The following CDC42SE2 variants were observed in gnomAD, a reference collection of about 807,000 sequenced individuals.
CDC42SE2 encodes CDC42 small effector 2.
In CDC42SE2, 3 loss-of-function variants were observed where a neutral mutation model predicts 11.5. The observed-to-expected ratio is 0.26, with a 90% CI of 0.12 to 0.67. The LOEUF (loss-of-function observed/expected upper bound fraction) is 0.67, where lower values mean the gene tolerates loss of function less well. Among genes scored for constraint, CDC42SE2 ranks in the 30% least tolerant of loss-of-function variants. CDC42SE2 has a pLI of 0.80. For synonymous variants in CDC42SE2, 33 were observed against 34.8 expected (o/e 0.95, Z 0.18); for missense variants, 82 against 106.8 (o/e 0.77, Z 1.02).
At chr5:131,278,824 G>A (rs561244755) in intron 1 of CDC42SE2, among the ~76,000 whole-genome samples, 59 of 102,458 alleles carry the variant, frequency 5.8e-4, no homozygotes, top group African/African-American at 2.3e-3. Flanking sequence ...TCTGTTTGTT[G>A]CCCAGGCTAG....
intron 2 of CDC42SE2, among the ~76,000 whole-genome samples, chr5:131,330,381 G>C (rs1004562617): frequency 6.6e-6 from 1 of 152,156 alleles, no homozygotes. Context: ...AAGGTTATTA[G>C]AGTTTTTTTT....
At chr5:131,218,672 G>A in the CDC42SE2 span, among the ~76,000 whole-genome samples, 1 of 152,158 alleles carries the variant, frequency 6.6e-6, no homozygotes, top group Non-Finnish European at 1.5e-5. Flanking sequence ...ATACTATACA[G>A]CAATGAGAAT....
At position 131,273,730 on chromosome 5, in the gene CDC42SE2, A is replaced by G. The variant is rs13357359; in HGVS notation, c.-455+9564A>G. ...GGAGCTTGCAGTGAGCCAAGATCGC[A>G]CCACTGCACTCCAGCCTGGCGACAG... On this transcript the variant is annotated intron_variant, in intron 1 of 4. Coordinates refer to ENST00000505065, the MANE Select transcript of CDC42SE2 (RefSeq NM_001375635.1). Among the ~76,000 whole-genome samples the G allele has an allele frequency of 1.3e-4, 19 of 150,180 alleles. No homozygotes were observed. In the East Asian group the frequency reaches 3.6e-3, roughly 28 times the overall value.
intron 2 of CDC42SE2, among the ~76,000 whole-genome samples, chr5:131,330,873 T>G (rs888046377): frequency 6.7e-6 from 1 of 149,494 alleles, no homozygotes; most frequent in Non-Finnish European, 1.5e-5. Context: ...AAAAAAAAAT[T>G]TAAGTAGCTT....
intron 1 of CDC42SE2, among the ~76,000 whole-genome samples, chr5:131,291,826 A>C (rs1372362161): frequency 6.6e-6 from 1 of 152,202 alleles, no homozygotes; most frequent in East Asian, 1.9e-4. Flanking sequence ...TGGTAAGTTA[A>C]GGGTTTATTT....
chr5:131,345,810 A>T (rs1758827861), intron 2 of CDC42SE2, among the ~76,000 whole-genome samples: 1 of 152,190 alleles, frequency 6.6e-6, no homozygotes, highest in African/African-American at 2.4e-5. Context: ...CTTGGCAGAA[A>T]CTCTATAAGC....
intron 2 of CDC42SE2, among the ~76,000 whole-genome samples, chr5:131,341,508 A>G (rs1023728380): frequency 4.6e-5 from 7 of 152,212 alleles, no homozygotes; most frequent in Admixed American, 3.3e-4. Context: ...TTAGGAAGCC[A>G]GGGGAGTATG....
chr5:131,282,262 C>T (rs1757250988), intron 1 of CDC42SE2, among the ~76,000 whole-genome samples: 1 of 152,118 alleles, frequency 6.6e-6, no homozygotes, highest in Admixed American at 6.5e-5. Flanking sequence ...GTGTTATATA[C>T]ATAGAGAAGT....
chr5:131,256,307 G>A (rs1176648849), intron 2 of CDC42SE2, among the ~76,000 whole-genome samples: 1 of 152,180 alleles, frequency 6.6e-6, no homozygotes, highest in African/African-American at 2.4e-5. Flanking sequence ...GAGAATTGAT[G>A]CCTTTGTCTT....
chr5:131,227,038 C>G, the CDC42SE2 span, among the ~76,000 whole-genome samples: 1 of 152,156 alleles, frequency 6.6e-6, no homozygotes, highest in Non-Finnish European at 1.5e-5. Context: ...GACCAATGAC[C>G]TGGTCAGTTC....
chr5:131,317,136 C>T (rs1758058515), intron 2 of CDC42SE2, among the ~76,000 whole-genome samples: 1 of 151,898 alleles, frequency 6.6e-6, no homozygotes, highest in African/African-American at 2.4e-5. Flanking sequence ...ACATCCTTTT[C>T]TTTACCCACA....
At position 131,326,412 on chromosome 5, in the gene CDC42SE2, G is replaced by A. The variant is rs143031493; in HGVS notation, c.-286+10268G>A. Among the ~76,000 whole-genome samples, 485 of 152,232 alleles carry A rather than the reference G, an allele frequency of 3.2e-3. 4 individuals are homozygous for A. Among genetic ancestry groups the A allele is most frequent in the African/African-American group, 0.011 (463 of 41,518 alleles). ...TTTTATCCCATTATTGTAAGATAAT[G>A]CAATGTGTATGGTTATTGATCTTGT... On this transcript the variant is annotated intron_variant, in intron 2 of 4. Transcript: ENST00000505065.
rs1261355407 is a variant in CDC42SE2 at position 131,391,076 on chromosome 5, T to C, written c.240T>C (p.Asp80=). 7 of 1,612,522 alleles carry C rather than the reference T, an allele frequency of 4.3e-6. No homozygotes were observed. Among genetic ancestry groups the C allele is most frequent in the Non-Finnish European group, 5.9e-6 (7 of 1,178,954 alleles). The change falls in exon 5 of 5, where the codon GAT becomes GAC. Residue 80 remains aspartate, a synonymous_variant. Transcript: ENST00000505065. The stretch of plus-strand genomic sequence containing the variant: ...CCAATGTCCAGATGCAGCTCGTGGA[T>C]ACGAAGGCGGGATAGCCCTGGTCCT... ...MPANVQMQLV[D]TKAG is the part of the protein sequence containing the mutation.
At chr5:131,321,590 A>G (rs958385782) in intron 2 of CDC42SE2, among the ~76,000 whole-genome samples, 1 of 152,198 alleles carries the variant, frequency 6.6e-6, no homozygotes, top group South Asian at 2.1e-4. Flanking sequence ...TCAAAAAAGA[A>G]TATACATATA....
intron 1 of CDC42SE2, among the ~76,000 whole-genome samples, chr5:131,315,286 A>C (rs2149728579): frequency 6.6e-6 from 1 of 152,284 alleles, no homozygotes; most frequent in South Asian, 2.1e-4. Flanking sequence ...TCATTTGCAG[A>C]ATTTGAACTT....
chr5:131,386,320 C>G (rs751524045), intron 4 of CDC42SE2, among the ~76,000 whole-genome samples: 1 of 152,352 alleles, frequency 6.6e-6, no homozygotes, highest in East Asian at 1.9e-4. Context: ...AGCTGCTCAC[C>G]TCCTGTTGTG....
intron 1 of CDC42SE2, among the ~76,000 whole-genome samples, chr5:131,290,410 A>G (rs554443123): frequency 6.7e-6 from 1 of 148,714 alleles, no homozygotes; most frequent in Non-Finnish European, 1.5e-5. Context: ...AAATTATTTC[A>G]CTTTTTAATT....
chr5:131,289,057 G>T (rs1224386966), intron 1 of CDC42SE2, among the ~76,000 whole-genome samples: 1 of 152,056 alleles, frequency 6.6e-6, no homozygotes, highest in Non-Finnish European at 1.5e-5. Flanking sequence ...ATACATTTTA[G>T]AGCTGACATT....
intron 2 of CDC42SE2, among the ~76,000 whole-genome samples, chr5:131,343,184 G>T (rs1315302133): frequency 6.6e-6 from 1 of 151,938 alleles, no homozygotes; most frequent in Non-Finnish European, 1.5e-5. Context: ...TAGATGGGAG[G>T]AAAAAGACAG....
Sources: allele counts gnomAD v4.1 joint callset (sites outside exome capture counted in the v4.1 genomes callset), GRCh38; gene constraint gnomAD v4.1.1; transcripts MANE v1.5; gene names NCBI Gene and HGNC (gene_info 2026-07-23, HGNC 2026-07-21).